SPATA16: variants seen among roughly 807,000 people sequenced by gnomAD.
SPATA16 encodes the protein spermatogenesis-associated protein 16.
Under a neutral mutation model 63.3 loss-of-function variants are expected in SPATA16, and 36 were observed. That is an observed-to-expected ratio of 0.57 (90% CI 0.44 to 0.75). The LOEUF (loss-of-function observed/expected upper bound fraction) is 0.75. SPATA16 is among the 30% of genes least tolerant of loss of function. SPATA16 has a pLI of 0.00. For synonymous variants in SPATA16, 203 were observed against 216.7 expected (o/e 0.94, Z 0.56); for missense variants, 646 against 679.3 (o/e 0.95, Z 0.54).
At chr3:173,134,302 G>T (rs1738470392) in intron 1 of SPATA16, among the ~76,000 whole-genome samples, 1 of 152,068 alleles carries the variant, frequency 6.6e-6, no homozygotes, top group Non-Finnish European at 1.5e-5. Flanking sequence ...GGGAGGTGAG[G>T]TCTAGTGGGA....
intron 10 of SPATA16, among the ~76,000 whole-genome samples, chr3:172,890,637 G>A (rs1194859203): frequency 6.6e-6 from 1 of 151,850 alleles, no homozygotes; most frequent in Non-Finnish European, 1.5e-5. Flanking sequence ...ATCATTCAGA[G>A]TAATATCCAA....
At chr3:173,024,905 T>C (rs1560100007) in intron 3 of SPATA16, among the ~76,000 whole-genome samples, 1 of 150,818 alleles carries the variant, frequency 6.6e-6, no homozygotes, top group Non-Finnish European at 1.5e-5. Context: ...TTTGAATTTT[T>C]ACAATAATTT....
chr3:173,036,987 A>G (rs1218188758), intron 3 of SPATA16, among the ~76,000 whole-genome samples: 1 of 152,064 alleles, frequency 6.6e-6, no homozygotes, highest in Non-Finnish European at 1.5e-5. Flanking sequence ...TGAGACTCAC[A>G]TAAGCAAAAA....
intron 6 of SPATA16, among the ~76,000 whole-genome samples, chr3:172,940,089 A>G (rs1165786970): frequency 2.0e-5 from 3 of 152,224 alleles, no homozygotes; most frequent in Non-Finnish European, 4.4e-5. Context: ...TGGAGGCTCC[A>G]CATCTCTCAC....
chr3:172,931,292 G>C (rs1375520734), intron 6 of SPATA16, among the ~76,000 whole-genome samples: 1 of 152,182 alleles, frequency 6.6e-6, no homozygotes, highest in Admixed American at 6.5e-5. Flanking sequence ...TTATGCTGGA[G>C]TGCAGTAATG....
chr3:173,045,305 C>G (rs1281969127), intron 3 of SPATA16, among the ~76,000 whole-genome samples: 1 of 152,042 alleles, frequency 6.6e-6, no homozygotes, highest in African/African-American at 2.4e-5. Flanking sequence ...GAAAAATAAA[C>G]CGAACAAAAA....
intron 2 of SPATA16, among the ~76,000 whole-genome samples, chr3:173,075,653 A>G (rs1736784057): frequency 6.6e-6 from 1 of 152,224 alleles, no homozygotes; most frequent in African/African-American, 2.4e-5. Flanking sequence ...CATTATGTTA[A>G]GTGAAATAAG....
chr3:172,919,022 T>A (rs1216016698), intron 8 of SPATA16, among the ~76,000 whole-genome samples: 1 of 152,242 alleles, frequency 6.6e-6, no homozygotes, highest in Non-Finnish European at 1.5e-5. Flanking sequence ...TTATTATTGT[T>A]CATTTCAAAT....
intron 6 of SPATA16, among the ~76,000 whole-genome samples, chr3:172,930,974 C>T (rs547970832): frequency 6.6e-5 from 10 of 152,100 alleles, no homozygotes; most frequent in African/African-American, 9.7e-5. Context: ...AGGCGCCTGC[C>T]ACCGTGCTCA....
At chr3:173,030,937 T>G (rs1735590445) in intron 3 of SPATA16, among the ~76,000 whole-genome samples, 1 of 152,020 alleles carries the variant, frequency 6.6e-6, no homozygotes, top group African/African-American at 2.4e-5. Context: ...ACAACATGAA[T>G]GCACTTCAGA....
intron 6 of SPATA16, among the ~76,000 whole-genome samples, chr3:172,932,872 G>A (rs903721571): frequency 5.3e-5 from 8 of 152,120 alleles, no homozygotes; most frequent in African/African-American, 1.9e-4. Context: ...TTTCATTCCC[G>A]AGATTCCTAA....
At chr3:172,980,478 A>G (rs532536653) in intron 4 of SPATA16, among the ~76,000 whole-genome samples, 10 of 152,284 alleles carry the variant, frequency 6.6e-5, no homozygotes, top group South Asian at 2.1e-4. Context: ...TGTACCTGCA[A>G]TGGAGCTATA....
chr3:173,019,341 G>T, intron 4 of SPATA16, 145 bp downstream of exon 4: 1 of 782,462 alleles, frequency 1.3e-6, no homozygotes, highest in Non-Finnish European at 2.2e-6. Flanking sequence ...GTCAATAATT[G>T]CTGGTTTGAC....
rs754951635 is a variant in SPATA16, at chr3:172,924,252, G to A, written c.1294C>T (p.Arg432Ter). Residue 432 changes from arginine to a stop codon, truncating the protein, a stop_gained, in exon 8 of 11, where the codon CGA (arginine) becomes TGA (stop). Transcript: ENST00000351008. LOFTEE classifies it high-confidence loss of function. ...TVRQMETMGK[R>*]ILPILDFIRS... ...ATAAAATCCAATATTGGCAAGATTC[G>A]CTTCCCCATTGTCTCCATTTGCCTC... is the stretch of plus-strand genomic sequence containing the variant. 3.7e-6 allele frequency: 6 copies of A among 1,613,298 alleles called. No homozygotes were observed. The highest frequency in any genetic ancestry group is 1.1e-5 in the South Asian group (1 of 91,072).
chr3:173,071,868 C>A (rs920290451), intron 2 of SPATA16, among the ~76,000 whole-genome samples: 1 of 152,164 alleles, frequency 6.6e-6, no homozygotes, highest in Non-Finnish European at 1.5e-5. Flanking sequence ...TAATGAAATG[C>A]CATCTCACAC....
chr3:173,076,175 C>G (rs1001268302), intron 2 of SPATA16, among the ~76,000 whole-genome samples: 3 of 144,868 alleles, frequency 2.1e-5, no homozygotes, highest in African/African-American at 7.4e-5. Context: ...TTATATGTTA[C>G]CCATGTTACT....
intron 2 of SPATA16, among the ~76,000 whole-genome samples, chr3:173,100,429 C>A (rs954916704): frequency 2.6e-5 from 4 of 151,914 alleles, no homozygotes; most frequent in East Asian, 1.9e-4. Context: ...ACAAAAAAAA[C>A]CAGCTGGTGT....
rs1384242459 is a variant in SPATA16 at position 173,048,954 on chromosome 3, T to G, written c.753A>C (p.Ala251=). The change falls in exon 3 of 11, where the codon GCA becomes GCC. Residue 251 remains alanine (A), a synonymous_variant. Transcript: ENST00000351008. ...TTATTAGTATATGATTTTACCTGTG[T>G]GCATGATTCAGGGCAAGATCTGGTT... The part of the protein sequence containing the change: ...MRKPDLALNH[A]HRSIVLNPAY... 2 of 1,613,776 alleles carry G rather than the reference T, an allele frequency of 1.2e-6. No individual in the cohort carries two copies. The highest frequency in any genetic ancestry group is 2.7e-5 in the African/African-American group (2 of 75,054).
chr3:173,065,874 A>G (rs1186086316), intron 2 of SPATA16, among the ~76,000 whole-genome samples: 1 of 151,960 alleles, frequency 6.6e-6, no homozygotes, highest in African/African-American at 2.4e-5. Context: ...CCAGCTGACT[A>G]AAGTGGCCTG....
Sources: allele counts gnomAD v4.1 joint callset (sites outside exome capture counted in the v4.1 genomes callset), GRCh38; gene constraint gnomAD v4.1.1; transcripts MANE v1.5; gene names NCBI Gene and HGNC (gene_info 2026-07-23, HGNC 2026-07-21).